BBX: variants seen among roughly 807,000 people sequenced by gnomAD.
BBX encodes the protein BBX high mobility group box domain containing, also known as HMG box transcription factor BBX.
Under a neutral mutation model 100.2 loss-of-function variants are expected in BBX, and 30 were observed. The observed-to-expected ratio is 0.30, with a 90% CI of 0.22 to 0.41. BBX has a LOEUF of 0.41. Among genes scored for constraint, BBX ranks in the 10% least tolerant of loss-of-function variants. The probability of loss-of-function intolerance (pLI) is 1.00; values close to 1 mark genes in which losing one functional copy is unlikely to be tolerated. For synonymous variants in BBX, 376 were observed against 388.1 expected (o/e 0.97, Z 0.37); for missense variants, 1,023 against 1,129.8 (o/e 0.91, Z 1.35).
At chr3:107,794,535 T>C (rs1018620866) in intron 15 of BBX, among the ~76,000 whole-genome samples, 1 of 152,210 alleles carries the variant, frequency 6.6e-6, no homozygotes, top group African/African-American at 2.4e-5. Flanking sequence ...AATTCTGGTT[T>C]ATAGTTAGAT....
chr3:107,648,888 T>G (rs116456547), intron 3 of BBX, among the ~76,000 whole-genome samples: 255 of 152,312 alleles, frequency 1.7e-3, no homozygotes, highest in Middle Eastern at 3.4e-3. Flanking sequence ...TGTGATAGTT[T>G]ATAGTTCCTT....
chr3:107,611,211 AGTT>A (rs765761833), intron 2 of BBX, among the ~76,000 whole-genome samples: 18 of 152,128 alleles, frequency 1.2e-4, no homozygotes, highest in Non-Finnish European at 2.1e-4. Flanking sequence ...TGTCTTGAAA[AGTT>A]GTTGTATTTT....
Position 107,713,967 on chromosome 3 carries a change from C to CTT in BBX, c.163-2615_163-2614dup, listed in dbSNP as rs569427270. On this transcript the variant is annotated intron_variant, in intron 4 of 17. Coordinates refer to ENST00000325805, the MANE Select transcript of BBX (RefSeq NM_001142568.3). The stretch of plus-strand genomic sequence containing the variant: ...TTTTAATTTTTTTAATAATTTTTTT[C>CTT]TTTTTTTTTTTTTTTTTTTTTTTTT... Among the ~76,000 whole-genome samples, 390 of 82,320 alleles carry CTT rather than the reference C, an allele frequency of 4.7e-3. 46 individuals carry two copies. Among genetic ancestry groups the CTT allele is most frequent in the Non-Finnish European group, 5.8e-3 (226 of 38,732 alleles). 54.0% of individuals were successfully genotyped at this position (82,320 alleles called of 152,430 possible). A position where few individuals can be genotyped will look rare whatever the true frequency, so the allele number is the denominator to read the frequency against.
At chr3:107,723,405 TA>T (rs1317598547) in intron 5 of BBX, among the ~76,000 whole-genome samples, 1 of 151,938 alleles carries the variant, frequency 6.6e-6, no homozygotes, top group Non-Finnish European at 1.5e-5. Flanking sequence ...ATTTTTATTT[TA>T]TTTTTTTAAT....
At position 107,733,620 on chromosome 3, in the gene BBX, G is replaced by T. The variant is rs150983943; in HGVS notation, c.669+597G>T. Among the ~76,000 whole-genome samples, 520 of 152,172 alleles carry T rather than the reference G, an allele frequency of 3.4e-3. 3 individuals carry two copies. The highest frequency in any genetic ancestry group is 0.012 in the African/African-American group (504 of 41,504). On this transcript the variant is annotated intron_variant, in intron 7 of 17. Transcript: ENST00000325805. ...GCCTTTTGGGTGGCTTGGACTACAG[G>T]CATGTGCCCCCAAGCCCAGCTAATT...
chr3:107,541,144 C>G (rs1323870731), intron 2 of BBX, among the ~76,000 whole-genome samples: 1 of 152,140 alleles, frequency 6.6e-6, no homozygotes, highest in African/African-American at 2.4e-5. Context: ...TCTGTATAAC[C>G]ATGCTCTTAG....
intron 2 of BBX, among the ~76,000 whole-genome samples, chr3:107,537,315 C>CATAA (rs1476494532): frequency 6.6e-6 from 1 of 152,052 alleles, no homozygotes; most frequent in African/African-American, 2.4e-5. Context: ...TCTACATATA[C>CATAA]CAAATAATGT....
intron 2 of BBX, among the ~76,000 whole-genome samples, chr3:107,642,742 G>A (rs2057292736): frequency 6.6e-6 from 1 of 151,930 alleles, no homozygotes; most frequent in South Asian, 2.1e-4. Context: ...TATTTTTGTT[G>A]TTGTTTTTAC....
chr3:107,797,022 A>T (rs959690539), intron 15 of BBX, among the ~76,000 whole-genome samples: 6 of 152,076 alleles, frequency 3.9e-5, no homozygotes, highest in Non-Finnish European at 7.4e-5. Context: ...ACCACAAATG[A>T]TGGTGTGATT....
chr3:107,623,191 A>T (rs1297268484), intron 2 of BBX, among the ~76,000 whole-genome samples: 1 of 152,160 alleles, frequency 6.6e-6, no homozygotes, highest in Non-Finnish European at 1.5e-5. Flanking sequence ...TACAGTTTCC[A>T]TGATTGTGCC....
At chr3:107,764,662 GT>G (rs2066228567) in intron 10 of BBX, among the ~76,000 whole-genome samples, 1 of 152,138 alleles carries the variant, frequency 6.6e-6, no homozygotes, top group African/African-American at 2.4e-5. Flanking sequence ...TTTTAAAAAG[GT>G]TATTGTCCAA....
intron 3 of BBX, among the ~76,000 whole-genome samples, chr3:107,648,260 T>C (rs1291279341): frequency 1.3e-5 from 2 of 151,984 alleles, no homozygotes; most frequent in Non-Finnish European, 2.9e-5. Flanking sequence ...AATTCAAGAG[T>C]TTCTTGATGT....
intron 3 of BBX, among the ~76,000 whole-genome samples, chr3:107,708,668 C>T (rs375659439): frequency 8.2e-5 from 10 of 121,884 alleles, no homozygotes; most frequent in Admixed American, 1.8e-4. Flanking sequence ...AGCAAGACTC[C>T]GTCTCAAAAA....
At chr3:107,759,391 AT>A (rs1315820722) in intron 10 of BBX, among the ~76,000 whole-genome samples, 2 of 151,116 alleles carry the variant, frequency 1.3e-5, no homozygotes, top group East Asian at 3.8e-4. Context: ...TTTATCATTC[AT>A]TTAAGTTGTG....
intron 3 of BBX, among the ~76,000 whole-genome samples, chr3:107,651,439 G>A (rs1449323352): frequency 6.6e-6 from 1 of 151,834 alleles, no homozygotes; most frequent in Non-Finnish European, 1.5e-5. Flanking sequence ...TATGATGGAG[G>A]AATTACATCA....
At position 107,524,320 on chromosome 3, in the gene BBX, T is replaced by C. The variant is rs2047582887; in HGVS notation, c.-156+1213T>C. ...AGCCACACTCGTGTTACACTGTTATTTGCTGCGATCCGGGTCGCTAGTAAA... is the reference window on the plus strand; with the variant it reads ...AGCCACACTCGTGTTACACTGTTATCTGCTGCGATCCGGGTCGCTAGTAAA... On this transcript the variant is annotated intron_variant, in intron 1 of 17. Coordinates refer to ENST00000325805, the MANE Select transcript of BBX (RefSeq NM_001142568.3). The C allele has an allele frequency of 2.0e-5, 3 of 152,194 alleles. No individual in the cohort carries two copies. The South Asian group carries it at 6.2e-4, about 31-fold the overall frequency. The allele number at this position is 152,194 out of a possible 1,614,324, so 9.4% of individuals were successfully genotyped here. A position where few individuals can be genotyped will look rare whatever the true frequency, so the allele number is the denominator to read the frequency against.
chr3:107,724,117 A>T (rs1423097794), intron 5 of BBX, among the ~76,000 whole-genome samples: 1 of 152,224 alleles, frequency 6.6e-6, no homozygotes, highest in Non-Finnish European at 1.5e-5. Flanking sequence ...CTGGTGTGAG[A>T]TGGTATCTCA....
chr3:107,781,200 C>A (rs1383543122), intron 13 of BBX, among the ~76,000 whole-genome samples: 1 of 151,996 alleles, frequency 6.6e-6, no homozygotes, highest in African/African-American at 2.4e-5. Context: ...TCCCAGTAGT[C>A]TCCATATTCG....
At position 107,755,669 on chromosome 3, in the gene BBX, A is replaced by G. The variant is rs766061685; in HGVS notation, c.897A>G (p.Gln299=). Residue 299 remains glutamine (Q), a synonymous_variant, in exon 10 of 18, where the codon CAA becomes CAG. Coordinates refer to ENST00000325805, the MANE Select transcript of BBX (RefSeq NM_001142568.3). ...GCTGTGGAAAGTCTGCACTCTTTCA[A>G]CTGGCAGAGGCAAGTTCCTAAGAAT... is the stretch of plus-strand genomic sequence containing the variant. ...VKRCGKSALF[Q]LAEMCLASEG... 10 of 1,613,476 alleles carry G rather than the reference A, an allele frequency of 6.2e-6. No individual in the cohort carries two copies. The highest frequency in any genetic ancestry group is 1.1e-5 in the South Asian group (1 of 91,070).
Sources: allele counts gnomAD v4.1 joint callset (sites outside exome capture counted in the v4.1 genomes callset), GRCh38; gene constraint gnomAD v4.1.1; transcripts MANE v1.5; gene names NCBI Gene and HGNC (gene_info 2026-07-23, HGNC 2026-07-21).